The following NEK1 variants were observed in gnomAD, a reference collection of about 807,000 sequenced individuals.
NEK1 encodes the protein NIMA related kinase 1.
NEK1 carries 137 observed loss-of-function variants against 182.1 expected under a neutral mutation model. The ratio of observed to expected loss-of-function variants is 0.75; its 90% CI spans 0.65 to 0.87. The LOEUF (loss-of-function observed/expected upper bound fraction) is 0.87. Ranked by LOEUF, NEK1 falls within the 40% of genes least tolerant of loss-of-function variation. The probability of loss-of-function intolerance (pLI) is 0.00; values close to 1 mark genes in which losing one functional copy is unlikely to be tolerated. For synonymous variants in NEK1, 513 were observed against 492.2 expected (o/e 1.04, Z -0.56); for missense variants, 1,391 against 1,494.4 (o/e 0.93, Z 1.14).
chr4:169,555,598 G>T, intron 18 of NEK1, 122 bp downstream of exon 18: 6 of 1,316,506 alleles, frequency 4.6e-6, no homozygotes, highest in Non-Finnish European at 5.4e-6. Context: ...TTGTACCCAA[G>T]AGGCAAAAAA....
At chr4:169,534,778 C>A (rs1758197512) in intron 19 of NEK1, among the ~76,000 whole-genome samples, 1 of 151,948 alleles carries the variant, frequency 6.6e-6, no homozygotes, top group South Asian at 2.1e-4. Flanking sequence ...AAAAAGTCCA[C>A]AAATATTTAT....
In NEK1 at chr4:169,393,574, C is replaced by G. The variant is rs537338884; in HGVS notation, c.*936G>C. The G allele has an allele frequency of 1.3e-4, 20 of 152,300 alleles. No homozygotes were observed. Among genetic ancestry groups the G allele is most frequent in the South Asian group, 6.2e-4 (3 of 4,822 alleles). 9.4% of individuals were successfully genotyped at this position (152,300 alleles called of 1,614,324 possible). A position where few individuals can be genotyped will look rare whatever the true frequency, so the allele number is the denominator to read the frequency against. On this transcript the variant is annotated 3_prime_UTR_variant, in exon 36 of 36. Transcript: ENST00000507142. ...GCTGTGTGATCAACATCTTAATGAC[C>G]TAACTAAATCCTCTCATAACAGAAA...
chr4:169,516,401 T>C (rs1313475967), intron 19 of NEK1, among the ~76,000 whole-genome samples: 1 of 125,570 alleles, frequency 8.0e-6, no homozygotes, highest in East Asian at 2.3e-4. Context: ...TTCTGGATAT[T>C]AGGCCTTTGT....
At chr4:169,521,129 TCTC>T (rs1182254984) in intron 19 of NEK1, among the ~76,000 whole-genome samples, 1 of 65,222 alleles carries the variant, frequency 1.5e-5, no homozygotes, top group East Asian at 3.5e-4. Flanking sequence ...TGCAGTTTGA[TCTC>T]AGACTGCTGT....
At chr4:169,539,390 G>A (rs551812155) in intron 18 of NEK1, among the ~76,000 whole-genome samples, 23 of 152,246 alleles carry the variant, frequency 1.5e-4, no homozygotes, top group African/African-American at 5.5e-4. Flanking sequence ...CCTAAGGAAG[G>A]CAGATAAACC....
chr4:169,576,342 A>T (rs1190579306), intron 12 of NEK1, among the ~76,000 whole-genome samples: 7 of 152,220 alleles, frequency 4.6e-5, no homozygotes, highest in Non-Finnish European at 1.0e-4. Flanking sequence ...ATACATACAT[A>T]TCTAAGGCTG....
At chr4:169,462,178 CAG>C (rs1174760720) in intron 27 of NEK1, among the ~76,000 whole-genome samples, 2 of 151,510 alleles carry the variant, frequency 1.3e-5, no homozygotes, top group Non-Finnish European at 2.9e-5. Flanking sequence ...CATTTTTTTC[CAG>C]AGAGTTTTGC....
chr4:169,396,385 A>G (rs1393247748), intron 35 of NEK1, among the ~76,000 whole-genome samples: 1 of 149,530 alleles, frequency 6.7e-6, no homozygotes, highest in Non-Finnish European at 1.5e-5. Flanking sequence ...AAAAAAAAAA[A>G]AAAAAAAAAA....
At chr4:169,569,992 A>G (rs1422796494) in intron 12 of NEK1, among the ~76,000 whole-genome samples, 2 of 118,958 alleles carry the variant, frequency 1.7e-5, no homozygotes, top group African/African-American at 3.3e-5. Flanking sequence ...CTGGCTGCCC[A>G]GTCTGGAAAG....
chr4:169,578,201 G>C (rs927562135), intron 11 of NEK1, among the ~76,000 whole-genome samples: 1 of 152,010 alleles, frequency 6.6e-6, no homozygotes, highest in African/African-American at 2.4e-5. Context: ...GTAATAAAAA[G>C]GAAATTCTAC....
intron 10 of NEK1, among the ~76,000 whole-genome samples, chr4:169,584,320 C>A (rs78302922): frequency 0.011 from 1,641 of 152,070 alleles, 28 homozygotes; most frequent in African/African-American, 0.037. Flanking sequence ...ACGTTAATAA[C>A]ACATTTATAG....
In NEK1 at chr4:169,507,571, G is replaced by A. The variant is rs1052134700; in HGVS notation, c.1911+144C>T. 6 of 491,908 alleles carry A rather than the reference G, an allele frequency of 1.2e-5. No individual in the cohort carries two copies. The South Asian group carries it at 1.5e-4, about 12-fold the overall frequency. The allele number at this position is 491,908 out of a possible 1,614,324, so 30.5% of individuals were successfully genotyped here. On this transcript the variant is annotated intron_variant, in intron 22 of 35. Coordinates refer to ENST00000507142, the MANE Select transcript of NEK1 (RefSeq NM_001199397.3). The stretch of plus-strand genomic sequence containing the variant: ...CAAAAAGAGAAAAATACTATTTTTA[G>A]AAACCAAAAAGTGGAGGAGAAAGAT...
intron 12 of NEK1, among the ~76,000 whole-genome samples, chr4:169,567,107 AT>A (rs1763828003): frequency 1.3e-5 from 2 of 152,086 alleles, no homozygotes; most frequent in African/African-American, 4.8e-5. Context: ...GAAAAAAAAA[AT>A]CAAGGGAAAA....
chr4:169,604,088 T>TA (rs1296330643), intron 2 of NEK1, among the ~76,000 whole-genome samples: 1 of 152,184 alleles, frequency 6.6e-6, no homozygotes, highest in African/African-American at 2.4e-5. Flanking sequence ...CTTTAATTTG[T>TA]AAAAACTCCT....
chr4:169,522,346 A>G (rs547363470), intron 19 of NEK1, among the ~76,000 whole-genome samples: 91 of 152,276 alleles, frequency 6.0e-4, no homozygotes, highest in Non-Finnish European at 1.1e-3. Context: ...GGTAATTCCT[A>G]CATCTGATTC....
At position 169,394,583 on chromosome 4, in the gene NEK1, A is replaced by G. The variant is rs1190931406; in HGVS notation, c.3848-60T>C. The G allele has an allele frequency of 2.8e-5, 30 of 1,068,584 alleles. No homozygotes were observed. In the East Asian group the frequency reaches 7.4e-4, roughly 26 times the overall value. The allele number at this position is 1,068,584 out of a possible 1,614,324, so 66.2% of individuals were successfully genotyped here. ...AATCAAGCTGTATCTACTTTAAAAA[A>G]AACCCATTCTTGTTCATGCTAAAGG... On this transcript the variant is annotated intron_variant, in intron 35 of 35. Transcript: ENST00000507142.
At chr4:169,426,122 T>C (rs1326347504) in intron 30 of NEK1, 24 bp downstream of exon 30, 2 of 1,549,474 alleles carry the variant, frequency 1.3e-6, no homozygotes, top group East Asian at 4.5e-5. Context: ...CAGAAAGTAA[T>C]TAGACTAATG....
chr4:169,411,963 T>G (rs930640609), intron 31 of NEK1, among the ~76,000 whole-genome samples: 2 of 152,204 alleles, frequency 1.3e-5, no homozygotes, highest in Non-Finnish European at 2.9e-5. Flanking sequence ...ATGGGGCTCA[T>G]GTACACAAAC....
intron 19 of NEK1, among the ~76,000 whole-genome samples, chr4:169,515,159 T>G (rs560039739): frequency 6.6e-6 from 1 of 152,332 alleles, no homozygotes; most frequent in African/African-American, 2.4e-5. Flanking sequence ...TACTGATTTC[T>G]AGTTTAATTC....
Sources: allele counts gnomAD v4.1 joint callset (sites outside exome capture counted in the v4.1 genomes callset), GRCh38; gene constraint gnomAD v4.1.1; transcripts MANE v1.5; gene names NCBI Gene and HGNC (gene_info 2026-07-23, HGNC 2026-07-21).